SNAPC3: variants seen among roughly 807,000 people sequenced by gnomAD.
SNAPC3 encodes small nuclear RNA activating complex polypeptide 3, also known as snRNA-activating protein complex subunit 3.
In SNAPC3, 56 loss-of-function variants were observed where a neutral mutation model predicts 47.7. That is an observed-to-expected ratio of 1.18 (90% CI 0.95 to 1.47). The LOEUF (loss-of-function observed/expected upper bound fraction) is 1.47. Ranked by LOEUF, SNAPC3 falls within the 40% of genes most tolerant of loss-of-function variation. The pLI is 0.00. For missense variants in SNAPC3, 665 were observed against 511.3 expected, an observed-to-expected ratio of 1.30 and a Z score of -2.90; for synonymous variants, 235 against 189.9, an observed-to-expected ratio of 1.24 and a Z score of -1.95.
intron 2 of SNAPC3, chr9:15,432,037 A>C (rs2032230180): frequency 6.6e-6 from 1 of 152,092 alleles, no homozygotes; most frequent in Admixed American, 6.6e-5. Context: ...TGAAGACAGA[A>C]CTGTTTATAA....
chr9:15,444,944 T>A (rs1192812678), intron 4 of SNAPC3, among the ~76,000 whole-genome samples: 1 of 152,028 alleles, frequency 6.6e-6, no homozygotes, highest in African/African-American at 2.4e-5. Context: ...ATCAAAAAAA[T>A]TAGCTAGGCA....
intron 3 of SNAPC3, among the ~76,000 whole-genome samples, chr9:15,442,549 G>C (rs1037945246): frequency 4.0e-5 from 6 of 151,338 alleles, no homozygotes; most frequent in African/African-American, 1.5e-4. Context: ...CGGCCGGGCA[G>C]AGGCGCTCCT....
At chr9:15,452,605 A>AGGGATT (rs2034475551) in intron 6 of SNAPC3, among the ~76,000 whole-genome samples, 1 of 152,258 alleles carries the variant, frequency 6.6e-6, no homozygotes, top group South Asian at 2.1e-4. Context: ...GGTGTGAGCC[A>AGGGATT]CCATGCCCAG....
At chr9:15,446,327 C>T (rs1411389388) in intron 4 of SNAPC3, among the ~76,000 whole-genome samples, 1 of 152,180 alleles carries the variant, frequency 6.6e-6, no homozygotes, top group Non-Finnish European at 1.5e-5. Flanking sequence ...CTGCCTCAGC[C>T]TCCCAAGTAG....
At chr9:15,444,030 C>G (rs955948539) in intron 3 of SNAPC3, among the ~76,000 whole-genome samples, 12 of 152,144 alleles carry the variant, frequency 7.9e-5, no homozygotes, top group African/African-American at 2.9e-4. Flanking sequence ...TGACATGATT[C>G]CCACTTATTT....
Position 15,423,101 on chromosome 9 carries a change from C to G in SNAPC3, c.222C>G (p.Ser74Arg). Reference protein sequence around the residue: ...REPPASALPGSQAADSDREDA... With the variant: ...REPPASALPGRQAADSDREDA... ...CGCCGGCATCCGCTCTGCCTGGGAG[C>G]CAGGCAGCTGACTCCGACCGGGAGG... The change falls in exon 1 of 9, where the codon AGC becomes AGG. Residue 74 changes from serine (S) to arginine (R), a missense_variant. Ser to Arg is a moderately radical substitution (Grantham distance 110). Coordinates refer to ENST00000380821, the MANE Select transcript of SNAPC3 (RefSeq NM_001039697.2). 1 of 1,546,804 alleles carries G rather than the reference C, an allele frequency of 6.5e-7. No homozygotes were observed.
chr9:15,457,886 ATATT>A, intron 7 of SNAPC3, 70 bp from the exon 8 acceptor site: 1 of 823,330 alleles, frequency 1.2e-6, no homozygotes, highest in South Asian at 1.7e-5. Flanking sequence ...AGGCACAGAT[ATATT>A]TAATAGCTCA....
Position 15,444,747 on chromosome 9 carries a change from CT to C in SNAPC3, c.582+45del, listed in dbSNP as rs781539362. Reference sequence around the variant, plus strand: ...TTTTGGATTTTATGGATAATAGTAACTTTTGTAAAAGTGTTTAATTATTTGA... The same window carrying C: ...TTTTGGATTTTATGGATAATAGTAACTTTGTAAAAGTGTTTAATTATTTGA... On this transcript the variant is annotated intron_variant, in intron 4 of 8. Coordinates refer to ENST00000380821, the MANE Select transcript of SNAPC3 (RefSeq NM_001039697.2). The C allele has an allele frequency of 8.4e-6, 9 of 1,071,116 alleles. 1 individual carries two copies. The highest frequency in any genetic ancestry group is 3.9e-5 in the Admixed American group (2 of 51,068). 66.4% of individuals were successfully genotyped at this position (1,071,116 alleles called of 1,614,324 possible). A position where few individuals can be genotyped will look rare whatever the true frequency, so the allele number is the denominator to read the frequency against.
At chr9:15,438,060 T>G (rs1182247752) in intron 3 of SNAPC3, among the ~76,000 whole-genome samples, 1 of 152,228 alleles carries the variant, frequency 6.6e-6, no homozygotes, top group African/African-American at 2.4e-5. Context: ...AACTCTGGTA[T>G]TAATTCTTTT....
In SNAPC3 at chr9:15,458,020, T is replaced by C; in HGVS notation, c.1041T>C (p.His347=). ...TGTATCCCCTCCTTATCAAGAAGCATTGGCTATGGACCAGAAAATGTTTTG... is the reference window on the plus strand; with the variant it reads ...TGTATCCCCTCCTTATCAAGAAGCACTGGCTATGGACCAGAAAATGTTTTG... The part of the protein sequence containing the change: ...RTLYPLLIKK[H]WLWTRKCFVC... The change falls in exon 8 of 9, where the codon CAT becomes CAC. Residue 347 remains histidine (H), a synonymous_variant. Coordinates refer to ENST00000380821, the MANE Select transcript of SNAPC3 (RefSeq NM_001039697.2). 2 of 1,596,650 alleles carry C rather than the reference T, an allele frequency of 1.3e-6. No individual in the cohort carries two copies. Among genetic ancestry groups the C allele is most frequent in the Non-Finnish European group, 1.7e-6 (2 of 1,174,080 alleles).
rs767727295 is a variant in SNAPC3, at chr9:15,453,187, T to G, written c.962T>G (p.Ile321Ser). Residue 321 changes from isoleucine (I) to serine (S), a missense_variant, in exon 7 of 9, where the codon ATT becomes AGT. Transcript: ENST00000380821. ...CATCAGGGAGACTGTGAACATGTCATTGTCATTACTGACATAAGGTAGGTG... is the reference window on the plus strand; with the variant it reads ...CATCAGGGAGACTGTGAACATGTCAGTGTCATTACTGACATAAGGTAGGTG... Reference protein sequence around the residue: ...YCHQGDCEHVIVITDIRLVHH... With the variant: ...YCHQGDCEHVSVITDIRLVHH... The G allele has an allele frequency of 1.1e-5, 17 of 1,612,096 alleles. No homozygotes were observed. In the South Asian group the frequency reaches 1.9e-4, roughly 18 times the overall value.
At position 15,460,713 on chromosome 9, in the gene SNAPC3, G is replaced by C. The variant is rs2035146391; in HGVS notation, c.*847G>C. ...GCTGCTTTGGGGGAATTTAATCTTA[G>C]TGTGCTGTTTAGTAATGTTAGGTTT... is the stretch of plus-strand genomic sequence containing the variant. On this transcript the variant is annotated 3_prime_UTR_variant, in exon 9 of 9. Coordinates refer to ENST00000380821, the MANE Select transcript of SNAPC3 (RefSeq NM_001039697.2). 6.6e-6 allele frequency: 1 copy of C among 152,234 alleles called. No homozygotes were observed. The highest frequency in any genetic ancestry group is 6.5e-5 in the Admixed American group (1 of 15,280). 9.4% of individuals were successfully genotyped at this position (152,234 alleles called of 1,614,324 possible). A position where few individuals can be genotyped will look rare whatever the true frequency, so the allele number is the denominator to read the frequency against.
chr9:15,442,351 A>G (rs895340906), intron 3 of SNAPC3, among the ~76,000 whole-genome samples: 1 of 150,100 alleles, frequency 6.7e-6, no homozygotes, highest in African/African-American at 2.5e-5. Flanking sequence ...GCTGCCGGGC[A>G]GAGACGCTCC....
chr9:15,466,364 G>A (rs1027172703), downstream of SNAPC3, among the ~76,000 whole-genome samples: 38 of 152,090 alleles, frequency 2.5e-4, no homozygotes, highest in African/African-American at 9.2e-4. Context: ...AGCAACAAGA[G>A]TGAAACTCTG....
chr9:15,440,535 A>G (rs1433310352), intron 3 of SNAPC3, among the ~76,000 whole-genome samples: 2 of 152,222 alleles, frequency 1.3e-5, no homozygotes, highest in Non-Finnish European at 2.9e-5. Context: ...AAAAGTAAAA[A>G]AATTTAAAAG....
In SNAPC3 at chr9:15,459,892, C is replaced by A; in HGVS notation, c.*26C>A. The A allele has an allele frequency of 6.3e-7, 1 of 1,593,512 alleles. No homozygotes were observed. The highest frequency in any genetic ancestry group is 8.6e-7 in the Non-Finnish European group (1 of 1,167,516). ...GAATAGCTACACTCACAAAAATACC[C>A]CCTCATGAAATAACTGTTCTCTTGG... On this transcript the variant is annotated 3_prime_UTR_variant, in exon 9 of 9. Transcript: ENST00000380821.
chr9:15,455,108 T>C (rs1347646102), intron 7 of SNAPC3, among the ~76,000 whole-genome samples: 1 of 152,120 alleles, frequency 6.6e-6, no homozygotes, highest in African/African-American at 2.4e-5. Context: ...AGTTCTGTGG[T>C]GAGAAGTTGA....
chr9:15,459,698 T>C (rs747075241), intron 8 of SNAPC3, 21 bp from the exon 9 acceptor site: 8 of 1,608,534 alleles, frequency 5.0e-6, no homozygotes, highest in East Asian at 2.2e-5. Context: ...AATGATGTAC[T>C]TCTTTTTTTA....
Position 15,423,076 on chromosome 9 carries a change from C to G in SNAPC3, c.197C>G (p.Pro66Arg). 6.6e-7 allele frequency: 1 copy of G among 1,515,560 alleles called. No individual in the cohort carries two copies. The highest frequency in any genetic ancestry group is 2.6e-5 in the East Asian group (1 of 39,118). The allele number at this position is 1,515,560 out of a possible 1,614,324, so 93.9% of individuals were successfully genotyped here. A position where few individuals can be genotyped will look rare whatever the true frequency, so the allele number is the denominator to read the frequency against. ...GCCGGGGACTTGTCGCTGAGGGAGC[C>G]GCCGGCATCCGCTCTGCCTGGGAGC... ...RGAGDLSLRE[P>R]PASALPGSQA... Residue 66 changes from proline (P) to arginine (R), a missense_variant, in exon 1 of 9, where the codon CCG (proline) becomes CGG (arginine). By Grantham distance (103) the Pro-to-Arg change is moderately radical (BLOSUM62 -2). Coordinates refer to ENST00000380821, the MANE Select transcript of SNAPC3 (RefSeq NM_001039697.2).
Sources: allele counts gnomAD v4.1 joint callset (sites outside exome capture counted in the v4.1 genomes callset), GRCh38; gene constraint gnomAD v4.1.1; transcripts MANE v1.5; gene names NCBI Gene and HGNC (gene_info 2026-07-23, HGNC 2026-07-21).